Variants in SNRNP40 observed in about 807,000 individuals in gnomAD.
The protein encoded by SNRNP40 is U5 small nuclear ribonucleoprotein 40 kDa protein.
In SNRNP40, 21 loss-of-function variants were observed where a neutral mutation model predicts 45.8. That is an observed-to-expected ratio of 0.46 (90% CI 0.32 to 0.66). SNRNP40 has a LOEUF of 0.66. SNRNP40 is among the 30% of genes least tolerant of loss of function. The probability of loss-of-function intolerance (pLI) is 0.03; values close to 1 mark genes in which losing one functional copy is unlikely to be tolerated. For missense variants in SNRNP40, 344 were observed against 439.1 expected, an observed-to-expected ratio of 0.78 and a Z score of 1.94; for synonymous variants, 142 against 163.8, an observed-to-expected ratio of 0.87 and a Z score of 1.01.
intron 5 of SNRNP40, 21 bp downstream of exon 5, chr1:31,281,353 T>C (rs375147484): frequency 7.1e-6 from 11 of 1,554,000 alleles, no homozygotes; most frequent in South Asian, 7.1e-5. Context: ...AATGGAAATA[T>C]ATCATAAACA....
intron 8 of SNRNP40, 74 bp from the exon 9 acceptor site, chr1:31,261,706 G>A (rs1248222059): frequency 3.5e-6 from 3 of 854,652 alleles, no homozygotes; most frequent in Admixed American, 2.3e-5. Flanking sequence ...GCTTTTTAAA[G>A]GAAATGGAAG....
chr1:31,261,729 ACTTAC>A, intron 8 of SNRNP40, 97 bp from the exon 9 acceptor site: 1 of 708,356 alleles, frequency 1.4e-6, no homozygotes, highest in Non-Finnish European at 2.5e-6. Flanking sequence ...ACAATTATTT[ACTTAC>A]CTTACATTTA....
chr1:31,296,762 G>T lies in SNRNP40; in HGVS notation c.-11C>A. 6.3e-7 allele frequency: 1 copy of T among 1,589,876 alleles called. No individual in the cohort carries two copies. The highest frequency in any genetic ancestry group is 8.6e-7 in the Non-Finnish European group (1 of 1,167,652). ...CTGCTGTTCTATCATGGCGGCAACCGGTCTCTTCAGCGCCGCCACTGACCG... is the reference window on the plus strand; with the variant it reads ...CTGCTGTTCTATCATGGCGGCAACCTGTCTCTTCAGCGCCGCCACTGACCG... On this transcript the variant is annotated 5_prime_UTR_variant, in exon 1 of 10. Coordinates refer to ENST00000263694, the MANE Select transcript of SNRNP40 (RefSeq NM_004814.3).
chr1:31,280,790 C>A (rs534099528), intron 5 of SNRNP40, among the ~76,000 whole-genome samples: 2 of 149,736 alleles, frequency 1.3e-5, no homozygotes, highest in Non-Finnish European at 3.0e-5. Flanking sequence ...TTTATCATTA[C>A]CCCCTCACCA....
chr1:31,288,497 C>T (rs1367458694), intron 4 of SNRNP40, among the ~76,000 whole-genome samples: 6 of 152,210 alleles, frequency 3.9e-5, no homozygotes, highest in Non-Finnish European at 1.5e-5. Flanking sequence ...ATTCCCATTG[C>T]AGATCCACTG....
chr1:31,294,653 G>T (rs1398948120), intron 1 of SNRNP40, among the ~76,000 whole-genome samples: 1 of 151,816 alleles, frequency 6.6e-6, no homozygotes, highest in Non-Finnish European at 1.5e-5. Context: ...AAAATGTTAT[G>T]TGCAGGCTGG....
intron 8 of SNRNP40, among the ~76,000 whole-genome samples, chr1:31,267,491 G>A (rs1317114735): frequency 1.3e-5 from 2 of 151,974 alleles, no homozygotes; most frequent in African/African-American, 2.4e-5. Context: ...CCATATCCAC[G>A]CTTTATGTAT....
intron 8 of SNRNP40, 113 bp from the exon 9 acceptor site, chr1:31,261,745 C>A (rs998239874): frequency 4.6e-6 from 3 of 650,054 alleles, no homozygotes. Context: ...CTTACATTTA[C>A]TGAACCATGT....
At chr1:31,290,964 A>G (rs1646102069) in intron 3 of SNRNP40, among the ~76,000 whole-genome samples, 1 of 152,142 alleles carries the variant, frequency 6.6e-6, no homozygotes, top group African/African-American at 2.4e-5. Flanking sequence ...AGTTCTGAGT[A>G]GAAAAAAAGG....
rs1488157435 is a variant in SNRNP40, at chr1:31,263,207, CAGA to C, written c.921-1578_921-1576del. ...TCTCTTCAAAAGTGATGAATAATAA[CAGA>C]AGATGTCATAAAAATGTGATTTTTT... On this transcript the variant is annotated intron_variant, in intron 8 of 9. Transcript: ENST00000263694. 5 of 152,016 alleles carry C rather than the reference CAGA, an allele frequency of 3.3e-5. No individual in the cohort carries two copies. In the South Asian group the frequency reaches 8.3e-4, roughly 25 times the overall value. 9.4% of individuals were successfully genotyped at this position (152,016 alleles called of 1,614,324 possible).
At chr1:31,286,535 GTCA>G (rs1169644768) in intron 4 of SNRNP40, among the ~76,000 whole-genome samples, 1 of 152,100 alleles carries the variant, frequency 6.6e-6, no homozygotes, top group African/African-American at 2.4e-5. Flanking sequence ...CAAGCATGCA[GTCA>G]TCATCTTGCT....
chr1:31,273,042 G>C (rs574635024), intron 5 of SNRNP40, among the ~76,000 whole-genome samples: 1 of 152,300 alleles, frequency 6.6e-6, no homozygotes, highest in Admixed American at 6.5e-5. Flanking sequence ...ACATAGGGCA[G>C]ACAACTCCAC....
chr1:31,293,170 T>C (rs752453701), intron 2 of SNRNP40, 49 bp downstream of exon 2: 19 of 1,601,106 alleles, frequency 1.2e-5, no homozygotes, highest in Non-Finnish European at 1.6e-5. Flanking sequence ...AAAAAAAAAA[T>C]CACTATCTGG....
At chr1:31,290,062 A>G (rs1301372254) in intron 3 of SNRNP40, among the ~76,000 whole-genome samples, 1 of 152,116 alleles carries the variant, frequency 6.6e-6, no homozygotes, top group Non-Finnish European at 1.5e-5. Flanking sequence ...AGGTCTCACT[A>G]TGTTGCCCAG....
intron 4 of SNRNP40, among the ~76,000 whole-genome samples, chr1:31,286,568 C>T (rs933905716): frequency 6.6e-6 from 1 of 152,160 alleles, no homozygotes; most frequent in South Asian, 2.1e-4. Context: ...ACTCCCTACA[C>T]CAAATCATTT....
chr1:31,278,045 C>T (rs1374530885), intron 5 of SNRNP40, among the ~76,000 whole-genome samples: 3 of 152,188 alleles, frequency 2.0e-5, no homozygotes, highest in Non-Finnish European at 4.4e-5. Flanking sequence ...ATTTTCATCA[C>T]CCCAAAAATT....
At chr1:31,263,711 T>C (rs960137365) in intron 8 of SNRNP40, 2 of 386,504 alleles carry the variant, frequency 5.2e-6, no homozygotes, top group Non-Finnish European at 9.9e-6. Flanking sequence ...TTGTTTTTCT[T>C]ATTCAAGCTT....
chr1:31,282,067 G>A (rs767389630), intron 4 of SNRNP40: 1 of 152,372 alleles, frequency 6.6e-6, no homozygotes, highest in Non-Finnish European at 1.5e-5. Flanking sequence ...AACTCCCTGA[G>A]TCCCAGTAAA....
chr1:31,264,928 C>T (rs1256218020), intron 8 of SNRNP40, among the ~76,000 whole-genome samples: 1 of 152,136 alleles, frequency 6.6e-6, no homozygotes, highest in Non-Finnish European at 1.5e-5. Flanking sequence ...TGATGGCTGC[C>T]AATTAGATGC....
Sources: allele counts gnomAD v4.1 joint callset (sites outside exome capture counted in the v4.1 genomes callset), GRCh38; gene constraint gnomAD v4.1.1; transcripts MANE v1.5; gene names NCBI Gene and HGNC (gene_info 2026-07-23, HGNC 2026-07-21).